MALRD1: variants seen among roughly 807,000 people sequenced by gnomAD.
MALRD1 encodes the protein MAM and LDL-receptor class A domain-containing protein 1.
MALRD1 carries 247 observed loss-of-function variants against 242.1 expected under a neutral mutation model. The observed-to-expected ratio is 1.02, with a 90% CI of 0.92 to 1.13. MALRD1 has a LOEUF of 1.13. Ranked by LOEUF, MALRD1 falls within the 50% of genes most tolerant of loss-of-function variation. The pLI is 0.00. For missense variants in MALRD1, 2,989 were observed against 2,533.1 expected, an observed-to-expected ratio of 1.18 and a Z score of -3.86; for synonymous variants, 995 against 866.6, an observed-to-expected ratio of 1.15 and a Z score of -2.60.
chr10:19,151,915 G>T (rs773377779), intron 11 of MALRD1, among the ~76,000 whole-genome samples: 1 of 152,018 alleles, frequency 6.6e-6, no homozygotes, highest in Admixed American at 6.6e-5. Flanking sequence ...GGTAATGCTT[G>T]TTTATAACTT....
intron 1 of MALRD1, among the ~76,000 whole-genome samples, chr10:19,053,473 C>T (rs1834568890): frequency 6.6e-6 from 1 of 152,072 alleles, no homozygotes; most frequent in African/African-American, 2.4e-5. Flanking sequence ...AGCAGATCCC[C>T]GAAATTGGCG....
intron 28 of MALRD1, among the ~76,000 whole-genome samples, chr10:19,408,390 C>T (rs932025402): frequency 1.4e-4 from 21 of 152,108 alleles, no homozygotes; most frequent in African/African-American, 5.1e-4. Flanking sequence ...AAACTTCACA[C>T]GTGGTTTCTC....
chr10:19,627,461 C>T (rs899703798), intron 36 of MALRD1, among the ~76,000 whole-genome samples: 13 of 151,734 alleles, frequency 8.6e-5, no homozygotes, highest in East Asian at 1.9e-4. Flanking sequence ...AACAGGGCCA[C>T]GTGCGGTGGC....
At chr10:19,375,753 C>A (rs2130765661) in intron 26 of MALRD1, among the ~76,000 whole-genome samples, 1 of 152,182 alleles carries the variant, frequency 6.6e-6, no homozygotes, top group African/African-American at 2.4e-5. Flanking sequence ...GAAATTAAAA[C>A]AATAACAAAA....
At chr10:19,344,834 C>CATA (rs1206388987) in intron 24 of MALRD1, among the ~76,000 whole-genome samples, 5 of 151,824 alleles carry the variant, frequency 3.3e-5, no homozygotes, top group African/African-American at 1.2e-4. Context: ...TGGTTTTCAG[C>CATA]CTACAAATTT....
At chr10:19,278,401 T>C (rs1840637806) in intron 19 of MALRD1, among the ~76,000 whole-genome samples, 1 of 152,132 alleles carries the variant, frequency 6.6e-6, no homozygotes, top group South Asian at 2.1e-4. Flanking sequence ...AATCTTCCAT[T>C]TGTTATTTTA....
Position 19,128,110 on chromosome 10 carries a change from A to G in MALRD1, c.944-111A>G, listed in dbSNP as rs1837339032. Reference sequence around the variant, plus strand: ...AAAACGCTCTATCCTTTTAAGTAAAATATTTGTGTTTTAAGTCTAGTTTTG... The same window carrying G: ...AAAACGCTCTATCCTTTTAAGTAAAGTATTTGTGTTTTAAGTCTAGTTTTG... On this transcript the variant is annotated intron_variant, in intron 7 of 39. Transcript: ENST00000454679. 9 of 677,642 alleles carry G rather than the reference A, an allele frequency of 1.3e-5. No individual in the cohort carries two copies. In the Admixed American group the frequency reaches 3.0e-4, roughly 23 times the overall value. The allele number at this position is 677,642 out of a possible 1,614,324, so 42.0% of individuals were successfully genotyped here. A position where few individuals can be genotyped will look rare whatever the true frequency, so the allele number is the denominator to read the frequency against.
At chr10:19,499,346 G>C (rs973543855) in intron 31 of MALRD1, among the ~76,000 whole-genome samples, 1 of 151,446 alleles carries the variant, frequency 6.6e-6, no homozygotes, top group Non-Finnish European at 1.5e-5. Flanking sequence ...TCAAATTGGA[G>C]ATGTTTTGGA....
At chr10:19,606,381 C>T (rs1282458776) in intron 34 of MALRD1, among the ~76,000 whole-genome samples, 2 of 151,934 alleles carry the variant, frequency 1.3e-5, no homozygotes, top group African/African-American at 4.8e-5. Context: ...TATATGATAC[C>T]GTTAAGTAAA....
Position 19,203,760 on chromosome 10 carries a change from G to A in MALRD1, c.1984G>A (p.Asp662Asn). 6.5e-7 allele frequency: 1 copy of A among 1,548,040 alleles called. No individual in the cohort carries two copies. Among genetic ancestry groups the A allele is most frequent in the Non-Finnish European group, 8.7e-7 (1 of 1,144,950 alleles). ...SKCDFEANSC[D>N]WFEAISGDHF... ...GTGTGACTTTGAAGCAAACAGCTGT[G>A]ATTGGTTTGAAGCAATTAGTGGTGA... The change falls in exon 15 of 40, where the codon GAT becomes AAT. Residue 662 changes from aspartate to asparagine, a missense_variant. By Grantham distance (23) the Asp-to-Asn change is conservative (BLOSUM62 1). Coordinates refer to ENST00000454679, the MANE Select transcript of MALRD1 (RefSeq NM_001142308.3).
At chr10:19,270,828 A>ACACG (rs1554823240) in intron 19 of MALRD1, among the ~76,000 whole-genome samples, 12 of 151,552 alleles carry the variant, frequency 7.9e-5, no homozygotes, top group Non-Finnish European at 1.8e-4. Context: ...ACACACACAC[A>ACACG]CACACACACA....
intron 26 of MALRD1, among the ~76,000 whole-genome samples, chr10:19,373,267 G>C (rs145802736): frequency 3.8e-5 from 2 of 53,024 alleles, no homozygotes; most frequent in Non-Finnish European, 7.2e-5. Flanking sequence ...CAGCACTTTG[G>C]GAGGGCGGAC....
At chr10:19,321,588 A>G (rs772186292) in intron 21 of MALRD1, among the ~76,000 whole-genome samples, 25 of 152,172 alleles carry the variant, frequency 1.6e-4, no homozygotes, top group Non-Finnish European at 3.2e-4. Context: ...CATACCTGGG[A>G]TATTCATCAC....
At chr10:19,730,861 G>A (rs1431174271) in intron 39 of MALRD1, 80 bp downstream of exon 39, 4 of 1,272,146 alleles carry the variant, frequency 3.1e-6, no homozygotes, top group Non-Finnish European at 4.3e-6. Flanking sequence ...GGCTGAACCA[G>A]TGTTGCTTGA....
chr10:19,074,104 T>C (rs989950515), intron 2 of MALRD1, among the ~76,000 whole-genome samples: 2 of 152,114 alleles, frequency 1.3e-5, no homozygotes, highest in African/African-American at 4.8e-5. Context: ...ACAGTGTATG[T>C]TGTGAATGTC....
chr10:19,624,994 C>T (rs937105287), intron 36 of MALRD1, among the ~76,000 whole-genome samples: 1 of 151,488 alleles, frequency 6.6e-6, no homozygotes, highest in Non-Finnish European at 1.5e-5. Context: ...TGAGCCCAGG[C>T]TGTAGTGAGC....
chr10:19,047,077 C>T (rs1008310781), upstream of MALRD1, among the ~76,000 whole-genome samples: 10 of 152,194 alleles, frequency 6.6e-5, no homozygotes, highest in Non-Finnish European at 1.3e-4. Context: ...AGAATGATCA[C>T]TCTACTCTAA....
intron 38 of MALRD1, among the ~76,000 whole-genome samples, chr10:19,704,111 A>G (rs1833748314): frequency 7.6e-6 from 1 of 131,830 alleles, no homozygotes; most frequent in African/African-American, 2.8e-5. Context: ...ATAAACTAAC[A>G]AAAGTTAAAA....
chr10:19,121,452 G>T (rs1165521700), intron 5 of MALRD1, among the ~76,000 whole-genome samples: 1 of 152,194 alleles, frequency 6.6e-6, no homozygotes, highest in Non-Finnish European at 1.5e-5. Context: ...AATAGGAGGG[G>T]AAAGAACTGG....
Sources: allele counts gnomAD v4.1 joint callset (sites outside exome capture counted in the v4.1 genomes callset), GRCh38; gene constraint gnomAD v4.1.1; transcripts MANE v1.5; gene names NCBI Gene and HGNC (gene_info 2026-07-23, HGNC 2026-07-21).